Variants in CPNE2 observed in about 807,000 individuals in gnomAD.
The protein encoded by CPNE2 is copine 2.
A neutral mutation model predicts 69.7 loss-of-function variants in CPNE2; 42 were observed. The observed-to-expected ratio is 0.60, with a 90% confidence interval of 0.47 to 0.78. The LOEUF (loss-of-function observed/expected upper bound fraction) is 0.78. Among genes scored for constraint, CPNE2 ranks in the 30% least tolerant of loss-of-function variants. The probability of loss-of-function intolerance (pLI) is 0.00; values close to 1 mark genes in which losing one functional copy is unlikely to be tolerated. For synonymous variants in CPNE2, 294 were observed against 289.8 expected (o/e 1.01, Z -0.15); for missense variants, 587 against 732.0 (o/e 0.80, Z 2.29).
intron 1 of CPNE2, among the ~76,000 whole-genome samples, chr16:57,104,508 G>T (rs1234579451): frequency 6.6e-6 from 1 of 152,180 alleles, no homozygotes; most frequent in African/African-American, 2.4e-5. Context: ...AGTGATGTGT[G>T]CAGGGGGAGG....
At chr16:57,138,306 C>A (rs2069897610) in intron 14 of CPNE2, among the ~76,000 whole-genome samples, 1 of 152,124 alleles carries the variant, frequency 6.6e-6, no homozygotes. Context: ...CAAATTCACC[C>A]ACTTCCCCAT....
At chr16:57,121,525 A>G (rs2145259210) in intron 8 of CPNE2, 149 bp from the exon 9 acceptor site, 1 of 766,526 alleles carries the variant, frequency 1.3e-6, no homozygotes, top group East Asian at 2.4e-5. Context: ...TCCTGCTACC[A>G]TTTTTGGGTG....
intron 5 of CPNE2, among the ~76,000 whole-genome samples, chr16:57,118,239 C>T (rs2069734512): frequency 6.6e-6 from 1 of 150,492 alleles, no homozygotes; most frequent in African/African-American, 2.4e-5. Context: ...CATCTCAGCT[C>T]ACTGCAAGCT....
chr16:57,111,009 G>C (rs8047463), intron 2 of CPNE2, 87 bp downstream of exon 2: 617,113 of 1,261,354 alleles, frequency 0.49, 156,896 homozygotes, highest in African/African-American at 0.78. Flanking sequence ...GATCCAGGAT[G>C]TCTGATGGAA....
At chr16:57,139,065 C>T (rs1297369049) in intron 14 of CPNE2, among the ~76,000 whole-genome samples, 6 of 152,188 alleles carry the variant, frequency 3.9e-5, no homozygotes, top group Admixed American at 3.3e-4. Context: ...CACAGAGAGC[C>T]GGTTGTGCAG....
intron 12 of CPNE2, 54 bp downstream of exon 12, chr16:57,127,957 G>C: frequency 6.4e-7 from 1 of 1,566,006 alleles, no homozygotes; most frequent in Non-Finnish European, 8.8e-7. Context: ...TTGTGTGTGT[G>C]GCCTCTCGGG....
chr16:57,099,998 C>T (rs1047076010), intron 1 of CPNE2, among the ~76,000 whole-genome samples: 2 of 152,106 alleles, frequency 1.3e-5, no homozygotes, highest in South Asian at 2.1e-4. Context: ...TGGTCTTGAT[C>T]TCTTGACCTT....
intron 12 of CPNE2, among the ~76,000 whole-genome samples, chr16:57,129,326 G>T (rs886936365): frequency 8.5e-5 from 13 of 152,296 alleles, no homozygotes; most frequent in African/African-American, 3.1e-4. Flanking sequence ...CAGAGTGGAG[G>T]GTGGAGAGAA....
At chr16:57,134,702 T>G in intron 12 of CPNE2, 73 bp from the exon 13 acceptor site, 1 of 1,550,266 alleles carries the variant, frequency 6.5e-7, no homozygotes, top group Non-Finnish European at 8.9e-7. Flanking sequence ...AGCCTTGGCC[T>G]GGCAGTGGGT....
chr16:57,124,546 C>T (rs2145262980), intron 10 of CPNE2: 1 of 338,672 alleles, frequency 3.0e-6, no homozygotes, highest in East Asian at 8.5e-5. Flanking sequence ...GTAACTGGCA[C>T]ATAGCAGGTG....
At chr16:57,124,690 A>G in intron 10 of CPNE2, 1 of 256,170 alleles carries the variant, frequency 3.9e-6, no homozygotes, top group Admixed American at 4.7e-5. Flanking sequence ...GAAGGGAGGA[A>G]GCTGCTGGGG....
chr16:57,146,255 C>G lies in CPNE2; in HGVS notation c.1473C>G (p.Arg491=). ...TGGATGGGGACAGCCGCATGCTGCG[C>G]TCCCACACGGGGGAGGAGGCAGCCC... ...EFLDGDSRML[R]SHTGEEAARD... Residue 491 remains arginine (R), a synonymous_variant, in exon 15 of 16, where the codon CGC becomes CGG. Transcript: ENST00000290776. This position sits in a 1 kb window ranked among gnomAD's most constrained non-coding sequence, Gnocchi z 4.4. 2 of 1,558,190 alleles carry G rather than the reference C, an allele frequency of 1.3e-6. No homozygotes were observed. Among genetic ancestry groups the G allele is most frequent in the Non-Finnish European group, 1.7e-6 (2 of 1,150,278 alleles).
At chr16:57,101,735 A>T (rs554961631) in intron 1 of CPNE2, among the ~76,000 whole-genome samples, 1 of 152,342 alleles carries the variant, frequency 6.6e-6, no homozygotes, top group South Asian at 2.1e-4. Flanking sequence ...GTAGCTTGTT[A>T]GAAACACAGA....
intron 2 of CPNE2, among the ~76,000 whole-genome samples, chr16:57,111,317 C>T (rs1223587537): frequency 1.3e-5 from 2 of 151,808 alleles, no homozygotes; most frequent in Middle Eastern, 3.2e-3. Context: ...GCTGGGGCTA[C>T]AGGTGTGCAC....
At chr16:57,127,738 C>T in intron 11 of CPNE2, 111 bp from the exon 12 acceptor site, 1 of 1,083,162 alleles carries the variant, frequency 9.2e-7, no homozygotes, top group Non-Finnish European at 1.4e-6. Context: ...TGGTGAGCTC[C>T]TCCTTTCTGT....
chr16:57,134,451 C>G (rs2069861999), intron 12 of CPNE2, among the ~76,000 whole-genome samples: 1 of 152,180 alleles, frequency 6.6e-6, no homozygotes, highest in Non-Finnish European at 1.5e-5. Context: ...GAACCCTGGC[C>G]CACAGGGAAA....
rs1440886146 is a variant in CPNE2, at chr16:57,110,717, A to G, written c.-26A>G. 15 of 1,579,800 alleles carry G rather than the reference A, an allele frequency of 9.5e-6. No homozygotes were observed. The highest frequency in any genetic ancestry group is 1.2e-5 in the Non-Finnish European group (14 of 1,161,884). On this transcript the variant is annotated 5_prime_UTR_variant, in exon 2 of 16. Coordinates refer to ENST00000290776, the MANE Select transcript of CPNE2 (RefSeq NM_152727.6). Reference sequence around the variant, plus strand: ...ACTTCTGTTCCCCTAGACTGCCAGGAACTCCTGCCACCGCCACCGGCTCCC... The same window carrying G: ...ACTTCTGTTCCCCTAGACTGCCAGGGACTCCTGCCACCGCCACCGGCTCCC...
At chr16:57,110,159 A>C (rs2069671392) in intron 1 of CPNE2, among the ~76,000 whole-genome samples, 1 of 152,174 alleles carries the variant, frequency 6.6e-6, no homozygotes, top group African/African-American at 2.4e-5. Context: ...ACCACAGCAG[A>C]GAAAAACTTC....
In CPNE2 at chr16:57,117,557, T is replaced by A; in HGVS notation, c.497T>A (p.Leu166Gln). Residue 166 changes from leucine to glutamine, a missense_variant, in exon 5 of 16, where the codon CTG becomes CAG. Transcript: ENST00000290776. ...VITLSLAGRRLDKKDLFGKSD... is the reference protein window; with the variant it reads ...VITLSLAGRRQDKKDLFGKSD... Reference sequence around the variant, plus strand: ...ACACTAAGCCTGGCGGGCAGGAGGCTGGACAAGAAGGTAAGGCGGGCAGAG... The same window carrying A: ...ACACTAAGCCTGGCGGGCAGGAGGCAGGACAAGAAGGTAAGGCGGGCAGAG... 6.2e-7 allele frequency: 1 copy of A among 1,613,822 alleles called. No individual in the cohort carries two copies. The highest frequency in any genetic ancestry group is 1.1e-5 in the South Asian group (1 of 91,014).
Sources: gnomAD v4.1 joint callset for allele counts (sites outside exome capture counted in the v4.1 genomes callset) on GRCh38, gnomAD v4.1.1 for gene constraint, Gnocchi (gnomAD v3.1) non-coding constraint, MANE v1.5 for transcripts, NCBI Gene and HGNC (gene_info 2026-07-23, HGNC 2026-07-21) for gene names.